Variants in CLEC16A observed in about 807,000 individuals in gnomAD.
CLEC16A encodes C-type lectin domain containing 16A.
A neutral mutation model predicts 109.5 loss-of-function variants in CLEC16A; 51 were observed. The ratio of observed to expected loss-of-function variants is 0.47; its 90% CI spans 0.37 to 0.59. CLEC16A has a LOEUF of 0.59. Ranked by LOEUF, CLEC16A falls within the 20% of genes least tolerant of loss-of-function variation. The probability of loss-of-function intolerance (pLI) is 0.00; values close to 1 mark genes in which losing one functional copy is unlikely to be tolerated. For missense variants in CLEC16A, 1,339 were observed against 1,394.0 expected (o/e 0.96, Z 0.63); for synonymous variants, 673 against 564.2 (o/e 1.19, Z -2.73).
chr16:10,973,072 C>A lies in CLEC16A; in HGVS notation c.728+11C>A, dbSNP rs1487673343. On this transcript the variant is annotated intron_variant, in intron 7 of 23. Coordinates refer to ENST00000409790, the MANE Select transcript of CLEC16A (RefSeq NM_015226.3). ...GCAGACTGATGAGGAGTAAGTGACA[C>A]CCCCAGGGCCACTCAGTAGATAGAC... 1.3e-6 allele frequency: 2 copies of A among 1,593,002 alleles called. No homozygotes were observed. Among genetic ancestry groups the A allele is most frequent in the South Asian group, 1.1e-5 (1 of 87,406 alleles).
At chr16:11,052,614 C>T (rs1259695786) in intron 18 of CLEC16A, among the ~76,000 whole-genome samples, 1 of 152,180 alleles carries the variant, frequency 6.6e-6, no homozygotes, top group Non-Finnish European at 1.5e-5. Flanking sequence ...CCCACTGACG[C>T]CTTCCTTCCA....
chr16:10,981,786 G>T (rs577886100), intron 9 of CLEC16A, among the ~76,000 whole-genome samples: 1 of 152,218 alleles, frequency 6.6e-6, no homozygotes, highest in East Asian at 1.9e-4. Context: ...CAGGGTTCTC[G>T]TATGTCCTAA....
intron 11 of CLEC16A, among the ~76,000 whole-genome samples, chr16:11,015,219 G>T (rs2045671232): frequency 6.6e-6 from 1 of 152,218 alleles, no homozygotes; most frequent in Admixed American, 6.5e-5. Context: ...AGCTGGATGA[G>T]GACTGTGAGG....
At chr16:11,131,547 G>A (rs78261643) in intron 22 of CLEC16A, among the ~76,000 whole-genome samples, 2,391 of 152,330 alleles carry the variant, frequency 0.016, 33 homozygotes, top group Non-Finnish European at 0.023. Flanking sequence ...AGGGCTGGCA[G>A]AGCACACAGC....
intron 23 of CLEC16A, among the ~76,000 whole-genome samples, chr16:11,175,419 G>C (rs1292017768): frequency 6.6e-6 from 1 of 152,176 alleles, no homozygotes; most frequent in Non-Finnish European, 1.5e-5. Flanking sequence ...TGTGGCCCTA[G>C]AGTTCAAAAA....
intron 12 of CLEC16A, among the ~76,000 whole-genome samples, chr16:11,023,125 A>T (rs2046217570): frequency 1.4e-5 from 2 of 147,846 alleles, no homozygotes; most frequent in Non-Finnish European, 3.0e-5. Context: ...TCCGATGTGA[A>T]CTTTCTGGGA....
intron 10 of CLEC16A, among the ~76,000 whole-genome samples, chr16:10,986,062 GCT>G (rs1229225336): frequency 2.4e-5 from 2 of 82,922 alleles, no homozygotes; most frequent in Non-Finnish European, 4.2e-5. Flanking sequence ...ACTGAGTCTC[GCT>G]CTGTCGCCCA....
chr16:11,166,284 G>A (rs2068256512), intron 22 of CLEC16A, 104 bp from the exon 23 acceptor site: 1 of 1,293,746 alleles, frequency 7.7e-7, no homozygotes, highest in African/African-American at 1.5e-5. Context: ...AACAGAGCAG[G>A]ACTTTCAAGG....
intron 13 of CLEC16A, chr16:11,027,739 A>G (rs901513423): frequency 8.4e-6 from 13 of 1,551,030 alleles, no homozygotes; most frequent in African/African-American, 2.7e-5. Flanking sequence ...GAACGCATCA[A>G]TCAGCTCATC....
At chr16:11,155,486 G>A (rs1014037406) in intron 22 of CLEC16A, among the ~76,000 whole-genome samples, 3 of 152,196 alleles carry the variant, frequency 2.0e-5, no homozygotes, top group South Asian at 2.1e-4. Flanking sequence ...CCAGCCGTCC[G>A]GTTAGCCATG....
chr16:11,006,302 A>T (rs2045005893), intron 11 of CLEC16A, among the ~76,000 whole-genome samples: 2 of 152,170 alleles, frequency 1.3e-5, no homozygotes, highest in Non-Finnish European at 2.9e-5. Flanking sequence ...GTAAAAAATG[A>T]GATGCGTTTA....
chr16:11,137,192 T>C (rs1392399316), intron 22 of CLEC16A, among the ~76,000 whole-genome samples: 2 of 151,798 alleles, frequency 1.3e-5, no homozygotes, highest in Non-Finnish European at 1.5e-5. Flanking sequence ...TGTTGGTGTT[T>C]TTTTTCTTTG....
chr16:11,171,980 A>G (rs549380439), intron 23 of CLEC16A, among the ~76,000 whole-genome samples: 19 of 152,038 alleles, frequency 1.2e-4, no homozygotes, highest in African/African-American at 4.1e-4. Flanking sequence ...ACACATACAC[A>G]ATCACACACA....
intron 3 of CLEC16A, among the ~76,000 whole-genome samples, chr16:10,965,282 G>C (rs2042447420): frequency 1.3e-5 from 2 of 152,180 alleles, no homozygotes; most frequent in African/African-American, 4.8e-5. Flanking sequence ...TACAGAACTT[G>C]GATTTGTAAG....
intron 22 of CLEC16A, among the ~76,000 whole-genome samples, chr16:11,164,521 C>G (rs1416871050): frequency 6.6e-6 from 1 of 152,186 alleles, no homozygotes; most frequent in East Asian, 1.9e-4. Context: ...GGTCCCTCAG[C>G]TGGGAAGTGA....
In CLEC16A at chr16:11,139,832, C is replaced by G. The variant is rs188953480; in HGVS notation, c.2641+13686C>G. Among the ~76,000 whole-genome samples the G allele has an allele frequency of 1.3e-3, 194 of 152,322 alleles. No individual in the cohort carries two copies. The Middle Eastern group carries it at 0.014, about 11-fold the overall frequency. The stretch of plus-strand genomic sequence containing the variant: ...GGCTCATGGCATATGTGGTCTACTT[C>G]TAGCCTTACAGACTTATTTAAGGTC... On this transcript the variant is annotated intron_variant, in intron 22 of 23. Transcript: ENST00000409790.
intron 22 of CLEC16A, among the ~76,000 whole-genome samples, chr16:11,138,038 G>A (rs1016144472): frequency 6.6e-6 from 1 of 152,202 alleles, no homozygotes; most frequent in Non-Finnish European, 1.5e-5. Context: ...TGGGGGCCAG[G>A]GTACGGGACC....
chr16:11,171,538 TC>T (rs1210993022), intron 23 of CLEC16A, among the ~76,000 whole-genome samples: 3 of 152,158 alleles, frequency 2.0e-5, no homozygotes, highest in African/African-American at 7.2e-5. Flanking sequence ...CGCCCACACA[TC>T]CAGCAGAGCT....
chr16:11,035,044 G>C (rs1412395318), intron 13 of CLEC16A, among the ~76,000 whole-genome samples: 1 of 152,178 alleles, frequency 6.6e-6, no homozygotes, highest in African/African-American at 2.4e-5. Flanking sequence ...CAGCCACCAG[G>C]TTGTTTCAGG....
Sources: gnomAD v4.1 joint callset for allele counts (sites outside exome capture counted in the v4.1 genomes callset) on GRCh38, gnomAD v4.1.1 for gene constraint, MANE v1.5 for transcripts, NCBI Gene and HGNC (gene_info 2026-07-23, HGNC 2026-07-21) for gene names.